The following IL3RA variants were observed in gnomAD, a reference collection of about 807,000 sequenced individuals.
IL3RA encodes the protein interleukin 3 receptor subunit alpha.
Under a neutral mutation model 52.3 loss-of-function variants are expected in IL3RA, and 73 were observed. The ratio of observed to expected loss-of-function variants is 1.40; its 90% confidence interval spans 1.16 to 1.70. The LOEUF (loss-of-function observed/expected upper bound fraction) is 1.70, where lower values mean the gene tolerates loss of function less well. Among genes scored for constraint, IL3RA ranks in the 40% most tolerant of loss-of-function variants. The pLI is 0.00. For missense variants in IL3RA, 664 were observed against 504.4 expected (o/e 1.32, Z -3.03); for synonymous variants, 260 against 194.0 (o/e 1.34, Z -2.83).
At position 1,347,805 on chromosome X, in the gene IL3RA, G is replaced by A. The variant is rs776778650; in HGVS notation, c.184-626G>A. ...TGTCATCCCAGCACTTTGGGAGGCC[G>A]AGGAGGGTGGATCACGAGGTCAGGA... is the stretch of plus-strand genomic sequence containing the variant. On this transcript the variant is annotated intron_variant, in intron 3 of 11. Transcript: ENST00000331035. Among the ~76,000 whole-genome samples, 11 of 151,836 alleles carry A rather than the reference G, an allele frequency of 7.2e-5. No individual in the cohort carries two copies. In the South Asian group the frequency reaches 1.5e-3, roughly 20 times the overall value.
In IL3RA at chrX:1,348,412, A is replaced by G. The variant is rs767599626; in HGVS notation, c.184-19A>G. 1.3e-6 allele frequency: 2 copies of G among 1,561,604 alleles called. No homozygotes were observed. The highest frequency in any genetic ancestry group is 1.8e-6 in the Non-Finnish European group (2 of 1,132,198). ...AGCATGGTCTGTCAGCAGCCATCAT[A>G]GTCCTATGTCTCTCTTAGGCAGTGA... On this transcript the variant is annotated intron_variant, in intron 3 of 11. Coordinates refer to ENST00000331035, the MANE Select transcript of IL3RA (RefSeq NM_002183.4).
intron 1 of IL3RA, among the ~76,000 whole-genome samples, chrX:1,340,121 T>C (rs868376196): frequency 0.011 from 1,552 of 141,500 alleles, 26 homozygotes; most frequent in African/African-American, 0.037. Context: ...TTTTCTTTTT[T>C]TTTTTTTTTT....
chrX:1,379,144 ATAT>A (rs1335707508), intron 10 of IL3RA, among the ~76,000 whole-genome samples: 3 of 131,062 alleles, frequency 2.3e-5, no homozygotes, highest in African/African-American at 8.7e-5. Flanking sequence ...CGCCTGGCCC[ATAT>A]TATTATTATT....
In IL3RA at chrX:1,381,207, T is replaced by C. The variant is rs2089163179; in HGVS notation, c.1062+103T>C. 1.7e-5 allele frequency: 16 copies of C among 958,280 alleles called. No homozygotes were observed. In the South Asian group the frequency reaches 2.1e-4, roughly 13 times the overall value. 59.4% of individuals were successfully genotyped at this position (958,280 alleles called of 1,614,324 possible). A position where few individuals can be genotyped will look rare whatever the true frequency, so the allele number is the denominator to read the frequency against. On this transcript the variant is annotated intron_variant, in intron 11 of 11. Coordinates refer to ENST00000331035, the MANE Select transcript of IL3RA (RefSeq NM_002183.4). Reference sequence around the variant, plus strand: ...TGAGGCCAGGAACTGGAGACCAGCCTGGCCAACATGGAGAAACTCCGTGTC... The same window carrying C: ...TGAGGCCAGGAACTGGAGACCAGCCCGGCCAACATGGAGAAACTCCGTGTC...
Position 1,382,470 on chromosome X carries a change from G to A in IL3RA, c.*5G>A, listed in dbSNP as rs770298231. Reference sequence around the variant, plus strand: ...CAGGTCGTGCAGAAAACTTGAGACTGGGGTTCAGGGCTTGTGGGGGTCTGC... The same window carrying A: ...CAGGTCGTGCAGAAAACTTGAGACTAGGGTTCAGGGCTTGTGGGGGTCTGC... On this transcript the variant is annotated 3_prime_UTR_variant, in exon 12 of 12. Coordinates refer to ENST00000331035, the MANE Select transcript of IL3RA (RefSeq NM_002183.4). 5 of 1,613,468 alleles carry A rather than the reference G, an allele frequency of 3.1e-6. No homozygotes were observed. Among genetic ancestry groups the A allele is most frequent in the Admixed American group, 1.7e-5 (1 of 59,972 alleles).
chrX:1,338,081 T>G (rs771975601), intron 1 of IL3RA, among the ~76,000 whole-genome samples: 2 of 151,278 alleles, frequency 1.3e-5, no homozygotes, highest in East Asian at 3.9e-4. Flanking sequence ...ACAAGCAGCT[T>G]TATTCACAAT....
chrX:1,344,224 G>A (rs1398689782), intron 2 of IL3RA, among the ~76,000 whole-genome samples: 3 of 151,878 alleles, frequency 2.0e-5, no homozygotes, highest in African/African-American at 4.8e-5. Flanking sequence ...ATGTGAGGTT[G>A]GGAGTTCGAG....
chrX:1,356,843 G>A (rs1261950888), intron 7 of IL3RA, among the ~76,000 whole-genome samples: 1 of 151,596 alleles, frequency 6.6e-6, no homozygotes, highest in Non-Finnish European at 1.5e-5. Context: ...ATTGTTATGT[G>A]GTTTTTTAAT....
At chrX:1,381,376 G>A (rs757469812) in intron 11 of IL3RA, among the ~76,000 whole-genome samples, 10 of 152,168 alleles carry the variant, frequency 6.6e-5, no homozygotes, top group South Asian at 6.2e-4. Context: ...CCATCTGGGC[G>A]ACAAGAGTGA....
intron 6 of IL3RA, among the ~76,000 whole-genome samples, chrX:1,354,155 G>C (rs1369005196): frequency 6.6e-6 from 1 of 151,756 alleles, no homozygotes; most frequent in East Asian, 1.9e-4. Flanking sequence ...ATGGGTCATG[G>C]GTCCCATCAT....
rs774890102 is a variant in IL3RA at position 1,380,690 on chromosome X, A to G, written c.981-333A>G. On this transcript the variant is annotated intron_variant, in intron 10 of 11. Coordinates refer to ENST00000331035, the MANE Select transcript of IL3RA (RefSeq NM_002183.4). ...GGGGAAGGGGTGGAGGAGGGAGGAA[A>G]AGGGGGAGGAAGAGGGGGACGAGGC... is the stretch of plus-strand genomic sequence containing the variant. Among the ~76,000 whole-genome samples, 23 of 71,066 alleles carry G rather than the reference A, an allele frequency of 3.2e-4. No homozygotes were observed. The East Asian group carries it at 0.01, about 32-fold the overall frequency. The allele number at this position is 71,066 out of a possible 152,430, so 46.6% of individuals were successfully genotyped here. A position where few individuals can be genotyped will look rare whatever the true frequency, so the allele number is the denominator to read the frequency against.
chrX:1,359,138 G>C (rs140246539), intron 8 of IL3RA, among the ~76,000 whole-genome samples: 3 of 152,178 alleles, frequency 2.0e-5, no homozygotes, highest in Non-Finnish European at 4.4e-5. Flanking sequence ...AAAAGGAAGA[G>C]TCAGGGATGA....
intron 4 of IL3RA, among the ~76,000 whole-genome samples, chrX:1,350,902 G>A (rs867111382): frequency 6.8e-6 from 1 of 146,036 alleles, no homozygotes; most frequent in Non-Finnish European, 1.5e-5. Context: ...CACACACACA[G>A]ATGCACACAC....
chrX:1,363,785 T>C (rs2087682242), intron 8 of IL3RA, among the ~76,000 whole-genome samples: 1 of 152,026 alleles, frequency 6.6e-6, no homozygotes, highest in African/African-American at 2.4e-5. Flanking sequence ...AGTGGCACAG[T>C]CACGGCTCAC....
chrX:1,344,222 T>C (rs1462241972), intron 2 of IL3RA, among the ~76,000 whole-genome samples: 4 of 151,632 alleles, frequency 2.6e-5, no homozygotes, highest in Non-Finnish European at 5.9e-5. Flanking sequence ...TCATGTGAGG[T>C]TGGGAGTTCG....
At chrX:1,339,519 C>G (rs111647369) in intron 1 of IL3RA, among the ~76,000 whole-genome samples, 1 of 151,994 alleles carries the variant, frequency 6.6e-6, no homozygotes, top group Non-Finnish European at 1.5e-5. Flanking sequence ...TTAGGCCGGG[C>G]GCGGTGGCTC....
chrX:1,356,465 A>AAAAAACAAAAAC, intron 7 of IL3RA, 129 bp downstream of exon 7: 3 of 645,130 alleles, frequency 4.7e-6, no homozygotes, highest in African/African-American at 1.9e-5. Flanking sequence ...ATGGATCATT[A>AAAAAACAAAAAC]AAAAACAAAA....
At chrX:1,356,703 T>C (rs1312627420) in intron 7 of IL3RA, among the ~76,000 whole-genome samples, 1 of 147,030 alleles carries the variant, frequency 6.8e-6, no homozygotes, top group Non-Finnish European at 1.5e-5. Flanking sequence ...ACCCAGGAGG[T>C]GGGGGTTGCA....
intron 8 of IL3RA, among the ~76,000 whole-genome samples, chrX:1,359,715 CCT>C (rs763094149): frequency 1.5e-4 from 20 of 131,440 alleles, no homozygotes; most frequent in African/African-American, 3.8e-4. Context: ...TCTCTCTCTC[CCT>C]GTCTCTCTCT....
Sources: gnomAD v4.1 joint callset for allele counts (sites outside exome capture counted in the v4.1 genomes callset) on GRCh38, gnomAD v4.1.1 for gene constraint, MANE v1.5 for transcripts, NCBI Gene and HGNC (gene_info 2026-07-23, HGNC 2026-07-21) for gene names.